Variants in IL20RB observed in about 807,000 individuals in gnomAD.
IL20RB encodes the protein interleukin 20 receptor subunit beta, also known as interleukin-20 receptor subunit beta.
A neutral mutation model predicts 33.3 loss-of-function variants in IL20RB; 21 were observed. The ratio of observed to expected loss-of-function variants is 0.63; its 90% CI spans 0.45 to 0.91. IL20RB has a LOEUF of 0.91. Among genes scored for constraint, IL20RB ranks in the 40% least tolerant of loss-of-function variants. The pLI is 0.00. For missense variants in IL20RB, 345 were observed against 384.8 expected (o/e 0.90, Z 0.86); for synonymous variants, 147 against 146.8 (o/e 1.00, Z -0.01).
intron 1 of IL20RB, among the ~76,000 whole-genome samples, chr3:136,963,136 C>T (rs1274557313): frequency 6.6e-5 from 10 of 152,132 alleles, no homozygotes; most frequent in African/African-American, 1.7e-4. Flanking sequence ...GGACTACATT[C>T]CTTCTGGAGG....
rs72978788 is a variant in IL20RB at position 136,992,459 on chromosome 3, C to T, written c.682+371C>T. On this transcript the variant is annotated intron_variant, in intron 5 of 6. Coordinates refer to ENST00000329582, the MANE Select transcript of IL20RB (RefSeq NM_144717.4). ...GGTCAGACCTTGGAAGGAGGTGCTA[C>T]GTTGTATAACACCACAGCCTTCTTC... Among the ~76,000 whole-genome samples, 920 of 152,314 alleles carry T rather than the reference C, an allele frequency of 6.0e-3. 7 individuals are homozygous for T. Among genetic ancestry groups the T allele is most frequent in the African/African-American group, 0.022 (897 of 41,564 alleles).
chr3:136,966,157 C>A lies in IL20RB; in HGVS notation c.88+7956C>A, dbSNP rs552042114. Among the ~76,000 whole-genome samples the A allele has an allele frequency of 6.3e-4, 90 of 142,766 alleles. 2 individuals carry two copies. The highest frequency in any genetic ancestry group is 1.1e-3 in the Non-Finnish European group (70 of 66,424). The allele number at this position is 142,766 out of a possible 152,430, so 93.7% of individuals were successfully genotyped here. On this transcript the variant is annotated intron_variant, in intron 1 of 6. Transcript: ENST00000329582. Reference sequence around the variant, plus strand: ...ATCAAGGATATAGGTCTAAGATTCTCTTTTTTTGTTGTGTCTCTGCCTGGT... The same window carrying A: ...ATCAAGGATATAGGTCTAAGATTCTATTTTTTTGTTGTGTCTCTGCCTGGT...
chr3:136,996,221 G>T (rs779119067), intron 6 of IL20RB, among the ~76,000 whole-genome samples: 2 of 152,018 alleles, frequency 1.3e-5, no homozygotes, highest in South Asian at 2.1e-4. Context: ...CCATGCAATC[G>T]TAGGGGAAAC....
chr3:136,976,140 CAGA>C (rs1426222235), intron 1 of IL20RB, among the ~76,000 whole-genome samples: 1 of 152,202 alleles, frequency 6.6e-6, no homozygotes, highest in Admixed American at 6.5e-5. Context: ...CTCAGGACCC[CAGA>C]AGGAGTACTA....
intron 6 of IL20RB, among the ~76,000 whole-genome samples, chr3:136,997,619 A>AT (rs1000716815): frequency 2.4e-4 from 22 of 90,974 alleles, no homozygotes; most frequent in East Asian, 9.0e-4. Flanking sequence ...TATCTTTTTT[A>AT]TTTTTTTACA....
Position 137,010,429 on chromosome 3 carries a change from C to G in IL20RB, c.*206C>G, listed in dbSNP as rs906783185. On this transcript the variant is annotated 3_prime_UTR_variant, in exon 7 of 7. Transcript: ENST00000329582. ...GACTGAGGCTTAGGGGATGTGACCT[C>G]TAGACTGGGGGCTGCCACTTGCTGG... 7 of 484,816 alleles carry G rather than the reference C, an allele frequency of 1.4e-5. No homozygotes were observed. The highest frequency in any genetic ancestry group is 1.2e-4 in the African/African-American group (6 of 51,810). The allele number at this position is 484,816 out of a possible 1,614,324, so 30.0% of individuals were successfully genotyped here.
chr3:136,995,392 T>C, intron 5 of IL20RB, 22 bp from the exon 6 acceptor site: 1 of 1,612,708 alleles, frequency 6.2e-7, no homozygotes, highest in Non-Finnish European at 8.5e-7. Flanking sequence ...TTTCTAAGCC[T>C]GTTTTTATCT....
chr3:136,992,749 A>G (rs563685663), intron 5 of IL20RB, among the ~76,000 whole-genome samples: 213 of 151,948 alleles, frequency 1.4e-3, no homozygotes, highest in African/African-American at 4.8e-3. Flanking sequence ...TTATTTATTT[A>G]TTTTTCTTTC....
intron 1 of IL20RB, among the ~76,000 whole-genome samples, chr3:136,971,407 A>T (rs1941482023): frequency 6.6e-6 from 1 of 152,240 alleles, no homozygotes; most frequent in South Asian, 2.1e-4. Context: ...CTGGGATTAC[A>T]GGTGTGAGCC....
intron 4 of IL20RB, among the ~76,000 whole-genome samples, chr3:136,991,648 G>A (rs141529710): frequency 1.5e-3 from 222 of 152,202 alleles, no homozygotes; most frequent in African/African-American, 4.9e-3. Context: ...TCGCTCTGTC[G>A]CCCAAGCTGG....
intron 3 of IL20RB, among the ~76,000 whole-genome samples, chr3:136,982,575 G>C (rs946654809): frequency 3.3e-5 from 5 of 152,196 alleles, no homozygotes; most frequent in African/African-American, 1.2e-4. Context: ...CTGACTGTCT[G>C]TGTCAGGGTG....
chr3:136,980,781 C>T (rs1307926069), intron 2 of IL20RB, among the ~76,000 whole-genome samples, 189 bp downstream of exon 2: 1 of 152,200 alleles, frequency 6.6e-6, no homozygotes, highest in Non-Finnish European at 1.5e-5. Flanking sequence ...GTGGATTTGA[C>T]AGTGAACTCT....
rs1250316652 is a variant in IL20RB at position 136,966,946 on chromosome 3, C to T, written c.88+8745C>T. Among the ~76,000 whole-genome samples the T allele has an allele frequency of 7.8e-5, 3 of 38,484 alleles. No individual in the cohort carries two copies. The Admixed American group carries it at 9.9e-4, about 13-fold the overall frequency. The allele number at this position is 38,484 out of a possible 152,430, so 25.2% of individuals were successfully genotyped here. On this transcript the variant is annotated intron_variant, in intron 1 of 6. Coordinates refer to ENST00000329582, the MANE Select transcript of IL20RB (RefSeq NM_144717.4). ...AACATCTTTATTTCTGCCTTCATTT[C>T]GTTATGTACCCAGTAGTCATTCAGG...
At chr3:136,966,410 C>T (rs1941352543) in intron 1 of IL20RB, among the ~76,000 whole-genome samples, 1 of 80,748 alleles carries the variant, frequency 1.2e-5, no homozygotes, top group African/African-American at 5.3e-5. Flanking sequence ...CAACTTCTTC[C>T]TGGTTTAGTC....
intron 4 of IL20RB, among the ~76,000 whole-genome samples, chr3:136,990,044 T>A (rs574170562): frequency 2.0e-5 from 3 of 152,122 alleles, no homozygotes; most frequent in African/African-American, 7.2e-5. Flanking sequence ...TAAACCCATC[T>A]AACTATGAGC....
rs1933069056 is a variant in IL20RB at position 137,010,538 on chromosome 3, T to C, written c.*315T>C. 3.7e-6 allele frequency: 1 copy of C among 266,970 alleles called. No homozygotes were observed. Among genetic ancestry groups the C allele is most frequent in the African/African-American group, 2.2e-5 (1 of 46,086 alleles). 16.5% of individuals were successfully genotyped at this position (266,970 alleles called of 1,614,324 possible). ...ATGGGGGAATTACCTACACACCTGCTAAACACACACACACAGAGTCTCTCT... is the reference window on the plus strand; with the variant it reads ...ATGGGGGAATTACCTACACACCTGCCAAACACACACACACAGAGTCTCTCT... On this transcript the variant is annotated 3_prime_UTR_variant, in exon 7 of 7. Transcript: ENST00000329582.
At chr3:136,996,416 G>C (rs1229531500) in intron 6 of IL20RB, among the ~76,000 whole-genome samples, 3 of 152,138 alleles carry the variant, frequency 2.0e-5, no homozygotes, top group Non-Finnish European at 2.9e-5. Flanking sequence ...TCTCTCCTGG[G>C]AAGAGGGAGC....
intron 1 of IL20RB, among the ~76,000 whole-genome samples, chr3:136,975,084 T>C (rs1272344305): frequency 1.3e-5 from 2 of 152,178 alleles, no homozygotes; most frequent in Non-Finnish European, 1.5e-5. Flanking sequence ...ATCAGTGTGT[T>C]TAATAATTCC....
rs192651615 is a variant in IL20RB at position 136,991,890 on chromosome 3, G to A, written c.532-48G>A. Reference sequence around the variant, plus strand: ...CTCCCAAAGTGCTGGGATTATAGGCGTGAGCCACCGCACTTGGCCAATAAC... The same window carrying A: ...CTCCCAAAGTGCTGGGATTATAGGCATGAGCCACCGCACTTGGCCAATAAC... On this transcript the variant is annotated intron_variant, in intron 4 of 6. Coordinates refer to ENST00000329582, the MANE Select transcript of IL20RB (RefSeq NM_144717.4). 14 of 1,595,834 alleles carry A rather than the reference G, an allele frequency of 8.8e-6. No individual in the cohort carries two copies. In the African/African-American group the frequency reaches 9.4e-5, roughly 11 times the overall value.
Sources: allele counts gnomAD v4.1 joint callset (sites outside exome capture counted in the v4.1 genomes callset), GRCh38; gene constraint gnomAD v4.1.1; transcripts MANE v1.5; gene names NCBI Gene and HGNC (gene_info 2026-07-23, HGNC 2026-07-21).